The following SEMA3D variants were observed in gnomAD, a reference collection of about 807,000 sequenced individuals.
SEMA3D encodes semaphorin 3D.
In SEMA3D, 84 loss-of-function variants were observed where a neutral mutation model predicts 100.1. The ratio of observed to expected loss-of-function variants is 0.84; its 90% confidence interval spans 0.70 to 1.01. The LOEUF (loss-of-function observed/expected upper bound fraction) is 1.01, where lower values mean the gene tolerates loss of function less well. SEMA3D is among the 50% of genes least tolerant of loss of function. The pLI, the probability that SEMA3D is intolerant of heterozygous loss-of-function variation, is 0.00. For synonymous variants in SEMA3D, 312 were observed against 320.7 expected (o/e 0.97, Z 0.29); for missense variants, 875 against 934.1 (o/e 0.94, Z 0.82).
intron 6 of SEMA3D, among the ~76,000 whole-genome samples, chr7:85,069,604 A>G (rs1211962572): frequency 6.6e-6 from 1 of 152,188 alleles, no homozygotes; most frequent in Admixed American, 6.5e-5. Context: ...GATTGCTTCT[A>G]TGAAGTTCCT....
At chr7:85,224,233 G>A in the SEMA3D span, among the ~76,000 whole-genome samples, 1 of 152,108 alleles carries the variant, frequency 6.6e-6, no homozygotes, top group Non-Finnish European at 1.5e-5. Context: ...AGGAAACTTA[G>A]AGATTATTTT....
chr7:85,048,927 C>T (rs1791082136), intron 9 of SEMA3D, among the ~76,000 whole-genome samples: 1 of 151,682 alleles, frequency 6.6e-6, no homozygotes, highest in African/African-American at 2.4e-5. Context: ...AAATTATAAG[C>T]ATTTTTTAAC....
chr7:85,203,993 T>C, the SEMA3D span, among the ~76,000 whole-genome samples: 1 of 151,998 alleles, frequency 6.6e-6, no homozygotes, highest in African/African-American at 2.4e-5. Flanking sequence ...ACCCATGGAA[T>C]GAGGGGAAGA....
At chr7:85,207,300 A>G in the SEMA3D span, among the ~76,000 whole-genome samples, 5 of 152,074 alleles carry the variant, frequency 3.3e-5, no homozygotes, top group African/African-American at 7.2e-5. Context: ...TCGTCTGTTT[A>G]TGCAAGATGT....
At chr7:85,084,510 T>C (rs1389988073) in intron 4 of SEMA3D, among the ~76,000 whole-genome samples, 1 of 152,162 alleles carries the variant, frequency 6.6e-6, no homozygotes, top group Non-Finnish European at 1.5e-5. Flanking sequence ...TGTCAATTGA[T>C]TTAATATTTT....
chr7:85,239,887 C>T, the SEMA3D span, among the ~76,000 whole-genome samples: 1 of 152,136 alleles, frequency 6.6e-6, no homozygotes, highest in South Asian at 2.1e-4. Context: ...CTGTAACCAA[C>T]CTGTAACTAT....
chr7:85,100,448 T>G (rs1215813670), intron 3 of SEMA3D, among the ~76,000 whole-genome samples: 1 of 152,042 alleles, frequency 6.6e-6, no homozygotes, highest in East Asian at 1.9e-4. Flanking sequence ...TTATCTTATT[T>G]TTTAAATCCT....
At chr7:85,012,221 G>GA (rs1399760270) in intron 17 of SEMA3D, among the ~76,000 whole-genome samples, 1 of 151,618 alleles carries the variant, frequency 6.6e-6, no homozygotes, top group Non-Finnish European at 1.5e-5. Flanking sequence ...TATGCCTTAT[G>GA]ACACTTCCCA....
chr7:85,056,186 T>C (rs754019846), intron 8 of SEMA3D, among the ~76,000 whole-genome samples: 10 of 152,072 alleles, frequency 6.6e-5, no homozygotes, highest in Non-Finnish European at 8.8e-5. Context: ...TCAACCACCA[T>C]GTCTTTCATA....
At chr7:85,202,629 T>G in the SEMA3D span, among the ~76,000 whole-genome samples, 1 of 151,980 alleles carries the variant, frequency 6.6e-6, no homozygotes, top group Non-Finnish European at 1.5e-5. Context: ...TACAATGAAC[T>G]CAAACAAGTT....
At chr7:85,199,895 G>A in the SEMA3D span, among the ~76,000 whole-genome samples, 60 of 152,060 alleles carry the variant, frequency 3.9e-4, no homozygotes, top group African/African-American at 1.3e-3. Flanking sequence ...AGGCAGGTGC[G>A]CTGTTCTCAT....
chr7:85,132,856 G>A (rs77156046), intron 2 of SEMA3D, among the ~76,000 whole-genome samples: 2,742 of 151,904 alleles, frequency 0.018, 74 homozygotes, highest in African/African-American at 0.062. Context: ...GCATAATATG[G>A]ATCTTATTAA....
intron 2 of SEMA3D, among the ~76,000 whole-genome samples, chr7:85,148,810 T>C (rs1790285992): frequency 6.6e-6 from 1 of 152,062 alleles, no homozygotes; most frequent in South Asian, 2.1e-4. Flanking sequence ...TGTGTGTGCA[T>C]GTATGTGTGT....
intron 3 of SEMA3D, among the ~76,000 whole-genome samples, chr7:85,112,794 T>C (rs2116370748): frequency 6.6e-6 from 1 of 152,360 alleles, no homozygotes; most frequent in Admixed American, 6.5e-5. Flanking sequence ...CACTTAGCAC[T>C]GTCTGAAATG....
At chr7:85,052,907 TATA>T (rs1445963098) in intron 9 of SEMA3D, among the ~76,000 whole-genome samples, 4 of 152,010 alleles carry the variant, frequency 2.6e-5, no homozygotes, top group African/African-American at 7.2e-5. Flanking sequence ...CCCATTTTTA[TATA>T]ATGTTTCTCT....
chr7:85,004,565 C>A (rs1789742548), intron 18 of SEMA3D, among the ~76,000 whole-genome samples: 2 of 152,056 alleles, frequency 1.3e-5, no homozygotes, highest in African/African-American at 4.8e-5. Context: ...CAGCACCCAA[C>A]TGTGAAACAG....
intron 18 of SEMA3D, 142 bp downstream of exon 18, chr7:85,006,653 CTATTGTT>C (rs1479527416): frequency 1.9e-6 from 1 of 530,724 alleles, no homozygotes; most frequent in African/African-American, 2.0e-5. Context: ...TATCTCAAAG[CTATTGTT>C]ACCTTTGGTG....
chr7:85,207,061 T>G, the SEMA3D span, among the ~76,000 whole-genome samples: 43 of 152,224 alleles, frequency 2.8e-4, no homozygotes, highest in South Asian at 8.3e-3. Flanking sequence ...AATCAGTAAT[T>G]GTTACATACT....
chr7:85,142,231 ATC>A, intron 2 of SEMA3D: 1 of 980,626 alleles, frequency 1.0e-6, no homozygotes, highest in Non-Finnish European at 1.2e-6. Flanking sequence ...TTGAGATATC[ATC>A]TCTCTACCAA....
Sources: gnomAD v4.1 joint callset for allele counts (sites outside exome capture counted in the v4.1 genomes callset) on GRCh38, gnomAD v4.1.1 for gene constraint, MANE v1.5 for transcripts, NCBI Gene and HGNC (gene_info 2026-07-23, HGNC 2026-07-21) for gene names.